MRPL58: variants seen among roughly 807,000 people sequenced by gnomAD.
The protein encoded by MRPL58 is mitochondrial ribosomal protein L58.
In MRPL58, 17 loss-of-function variants were observed where a neutral mutation model predicts 26.0. The observed-to-expected ratio is 0.65, with a 90% CI of 0.45 to 0.98. MRPL58 has a LOEUF of 0.98. MRPL58 is among the 50% of genes least tolerant of loss of function. The pLI, the probability that MRPL58 is intolerant of heterozygous loss-of-function variation, is 0.00. For synonymous variants in MRPL58, 100 were observed against 99.7 expected, an observed-to-expected ratio of 1.00 and a Z score of -0.02; for missense variants, 250 against 269.0, an observed-to-expected ratio of 0.93 and a Z score of 0.49.
intron 1 of MRPL58, among the ~76,000 whole-genome samples, chr17:75,014,398 A>AGCCAGGTT (rs2039958310): frequency 7.8e-6 from 1 of 127,842 alleles, no homozygotes; most frequent in Non-Finnish European, 1.6e-5. Context: ...TCACCGTATT[A>AGCCAGGTT]GCCAGGTTGG....
chr17:75,015,491 A>G (rs2039966557), intron 1 of MRPL58, among the ~76,000 whole-genome samples: 1 of 152,200 alleles, frequency 6.6e-6, no homozygotes, highest in Admixed American at 6.5e-5. Flanking sequence ...TCTCAAAACA[A>G]AAACGAAAAA....
rs1312989677 is a variant in MRPL58 at position 75,021,040 on chromosome 17, C to T, written c.*35C>T. The T allele has an allele frequency of 2.1e-6, 3 of 1,441,568 alleles. No individual in the cohort carries two copies. The highest frequency in any genetic ancestry group is 2.0e-6 in the Non-Finnish European group (2 of 1,022,866). The allele number at this position is 1,441,568 out of a possible 1,614,324, so 89.3% of individuals were successfully genotyped here. A position where few individuals can be genotyped will look rare whatever the true frequency, so the allele number is the denominator to read the frequency against. Reference sequence around the variant, plus strand: ...CTGCAGCTGGGAGGGCTCTTCTGGGCGTCCGGGCAGCTGCAGCTGAGAGGA... The same window carrying T: ...CTGCAGCTGGGAGGGCTCTTCTGGGTGTCCGGGCAGCTGCAGCTGAGAGGA... On this transcript the variant is annotated 3_prime_UTR_variant, in exon 6 of 6. Transcript: ENST00000301585.
chr17:75,019,726 A>G lies in MRPL58; in HGVS notation c.250A>G (p.Ser84Gly), dbSNP rs573539375. The change falls in exon 3 of 6, where the codon AGT becomes GGT. Residue 84 changes from serine (S) to glycine (G), a missense_variant. Transcript: ENST00000301585. ...TCGCTTGACAATATCTTATTGTCGG[A>G]GTAGTGGTCCTGGGGGGCAGAATGT... ...LDRLTISYCR[S>G]SGPGGQNVNK... is the part of the protein sequence containing the mutation. The G allele has an allele frequency of 8.1e-6, 13 of 1,611,428 alleles. No homozygotes were observed. The highest frequency in any genetic ancestry group is 5.3e-5 in the African/African-American group (4 of 74,954).
chr17:75,014,435 G>A (rs1418001470), intron 1 of MRPL58, among the ~76,000 whole-genome samples: 1 of 132,804 alleles, frequency 7.5e-6, no homozygotes, highest in Non-Finnish European at 1.6e-5. Context: ...GAGCCACCGC[G>A]CCAGGCTTTT....
intron 2 of MRPL58, chr17:75,018,576 A>G (rs1385027716): frequency 6.6e-6 from 1 of 151,986 alleles, no homozygotes; most frequent in Non-Finnish European, 1.5e-5. Context: ...TTATATCCCT[A>G]TCTGTGTAGA....
intron 2 of MRPL58, among the ~76,000 whole-genome samples, chr17:75,017,785 G>A (rs1184860584): frequency 6.6e-6 from 1 of 152,008 alleles, no homozygotes; most frequent in East Asian, 1.9e-4. Context: ...TTAGCCGGGT[G>A]TGGTGGTGGG....
intron 2 of MRPL58, among the ~76,000 whole-genome samples, chr17:75,018,984 G>A (rs533233971): frequency 4.6e-5 from 7 of 152,092 alleles, no homozygotes; most frequent in East Asian, 1.9e-4. Flanking sequence ...AGCTGTGCCC[G>A]CCTGTAGTCT....
chr17:75,021,177 T>A lies in MRPL58; in HGVS notation c.*172T>A. On this transcript the variant is annotated 3_prime_UTR_variant, in exon 6 of 6. Transcript: ENST00000301585. ...TGGAATGAAGGCTGCAGGCACTGGT[T>A]GCAGACGTCTTTATAGGCAGTCACC... is the stretch of plus-strand genomic sequence containing the variant. 1 of 602,704 alleles carries A rather than the reference T, an allele frequency of 1.7e-6. No homozygotes were observed. Among genetic ancestry groups the A allele is most frequent in the Non-Finnish European group, 3.0e-6 (1 of 331,096 alleles). The allele number at this position is 602,704 out of a possible 1,614,324, so 37.3% of individuals were successfully genotyped here.
chr17:75,015,213 G>A (rs564114650), intron 1 of MRPL58, among the ~76,000 whole-genome samples: 5 of 152,304 alleles, frequency 3.3e-5, no homozygotes, highest in East Asian at 1.9e-4. Context: ...CTGGCCAGGC[G>A]CAGTGGCTCA....
At chr17:75,017,525 G>C in intron 2 of MRPL58, among the ~76,000 whole-genome samples, 1 of 152,160 alleles carries the variant, frequency 6.6e-6, no homozygotes, top group Non-Finnish European at 1.5e-5. Flanking sequence ...AAGGCAGCTG[G>C]ATCATCCGAG....
At chr17:75,017,878 C>T (rs535231294) in intron 2 of MRPL58, among the ~76,000 whole-genome samples, 3 of 151,928 alleles carry the variant, frequency 2.0e-5, no homozygotes, top group South Asian at 2.1e-4. Flanking sequence ...GAGTTGAGAT[C>T]GCACCACTGC....
At chr17:75,016,648 T>C (rs558118120) in intron 1 of MRPL58, among the ~76,000 whole-genome samples, 1 of 152,348 alleles carries the variant, frequency 6.6e-6, no homozygotes, top group East Asian at 1.9e-4. Context: ...GGTGCAATTA[T>C]AGTCACTGTC....
At chr17:75,015,443 C>T (rs1044661108) in intron 1 of MRPL58, among the ~76,000 whole-genome samples, 3 of 152,178 alleles carry the variant, frequency 2.0e-5, no homozygotes, top group Non-Finnish European at 2.9e-5. Flanking sequence ...GAGATTGCAC[C>T]ACTGCACTCC....
Position 75,012,909 on chromosome 17 carries a change from T to G in MRPL58, c.186+37T>G, listed in dbSNP as rs999629970. ...AGGACTGGACGGAAGGGGCGTTTTG[T>G]CAGGCTGCTGGGTGACGTTAGGAAC... On this transcript the variant is annotated intron_variant, in intron 1 of 5. Transcript: ENST00000301585. 3.2e-6 allele frequency: 5 copies of G among 1,577,930 alleles called. No homozygotes were observed. The African/African-American group carries it at 5.5e-5, about 17-fold the overall frequency.
In MRPL58 at chr17:75,012,752, C is replaced by T. The variant is rs374366515; in HGVS notation, c.66C>T (p.Pro22=). The T allele has an allele frequency of 2.5e-6, 4 of 1,590,692 alleles. No homozygotes were observed. Among genetic ancestry groups the T allele is most frequent in the Middle Eastern group, 1.7e-4 (1 of 5,998 alleles). The part of the protein sequence containing the change: ...SRAGVWLLPP[P]ARCPRRALHK... The stretch of plus-strand genomic sequence containing the variant: ...CCGGAGTCTGGCTGCTCCCACCGCC[C>T]GCACGGTGCCCACGCCGGGCGCTGC... Residue 22 remains proline (P), a synonymous_variant, in exon 1 of 6, where the codon CCC becomes CCT. Coordinates refer to ENST00000301585, the MANE Select transcript of MRPL58 (RefSeq NM_001545.3).
At position 75,020,656 on chromosome 17, in the gene MRPL58, A is replaced by G. The variant is rs751797695; in HGVS notation, c.535A>G (p.Arg179Gly). 6.2e-7 allele frequency: 1 copy of G among 1,613,852 alleles called. No individual in the cohort carries two copies. Among genetic ancestry groups the G allele is most frequent in the Non-Finnish European group, 8.5e-7 (1 of 1,179,766 alleles). ...TKEDVKLHRI[R>G]IENMNRERLR... ...AGAAGATGTTAAACTTCATAGAATC[A>G]GGTACCAGGAAATGCCCTAAGATGC... is the stretch of plus-strand genomic sequence containing the variant. The change falls in exon 5 of 6, where the codon AGG (arginine) becomes GGG (glycine). Residue 179 changes from arginine (R) to glycine (G), a missense_variant and splice_region_variant. Transcript: ENST00000301585.
In MRPL58 at chr17:75,019,766, G is replaced by A; in HGVS notation, c.283+7G>A. 8 of 1,591,594 alleles carry A rather than the reference G, an allele frequency of 5.0e-6. No homozygotes were observed. The highest frequency in any genetic ancestry group is 1.3e-5 in the African/African-American group (1 of 74,318). The stretch of plus-strand genomic sequence containing the variant: ...GGGCAGAATGTGAACAAAGGTACGG[G>A]GTGCCTTGTTGCTTTCTTTTGCTTT... On this transcript the variant is annotated splice_region_variant and intron_variant, in intron 3 of 5. Transcript: ENST00000301585.
At chr17:75,020,746 C>A in intron 5 of MRPL58, 89 bp downstream of exon 5, 3 of 1,435,588 alleles carry the variant, frequency 2.1e-6, no homozygotes, top group South Asian at 2.4e-5. Flanking sequence ...GAGTCCAAGG[C>A]CGGCCTTGGG....
At chr17:75,014,780 T>C (rs2039961336) in intron 1 of MRPL58, among the ~76,000 whole-genome samples, 1 of 152,132 alleles carries the variant, frequency 6.6e-6, no homozygotes, top group African/African-American at 2.4e-5. Flanking sequence ...AAGGATTGAG[T>C]TGCTATTAAC....
Sources: allele counts gnomAD v4.1 joint callset (sites outside exome capture counted in the v4.1 genomes callset), GRCh38; gene constraint gnomAD v4.1.1; transcripts MANE v1.5; gene names NCBI Gene and HGNC (gene_info 2026-07-23, HGNC 2026-07-21).